TMEM242: variants seen among roughly 807,000 people sequenced by gnomAD.
The protein encoded by TMEM242 is transmembrane protein 242.
Under a neutral mutation model 18.2 loss-of-function variants are expected in TMEM242, and 10 were observed. The observed-to-expected ratio is 0.55, with a 90% CI of 0.34 to 0.93. The LOEUF (loss-of-function observed/expected upper bound fraction) is 0.93. Among genes scored for constraint, TMEM242 ranks in the 40% least tolerant of loss-of-function variants. TMEM242 has a pLI of 0.02. For synonymous variants in TMEM242, 57 were observed against 69.9 expected (o/e 0.81, Z 0.92); for missense variants, 186 against 175.5 (o/e 1.06, Z -0.34).
intron 3 of TMEM242, chr6:157,299,789 G>C: frequency 1.2e-6 from 2 of 1,605,704 alleles, no homozygotes; most frequent in Non-Finnish European, 1.7e-6. Flanking sequence ...AATATTTGGC[G>C]TTTTCATGAA....
intron 3 of TMEM242, among the ~76,000 whole-genome samples, chr6:157,309,373 A>T (rs1777960939): frequency 6.6e-6 from 1 of 151,932 alleles, no homozygotes; most frequent in Non-Finnish European, 1.5e-5. Context: ...CTCAATATAT[A>T]TACGAAGATA....
chr6:157,322,895 TA>T (rs1474538639), intron 1 of TMEM242, 90 bp from the exon 2 acceptor site: 14 of 1,056,244 alleles, frequency 1.3e-5, no homozygotes, highest in Admixed American at 4.5e-5. Context: ...TTTAAGATAC[TA>T]TTCGAGTTAC....
intron 3 of TMEM242, among the ~76,000 whole-genome samples, chr6:157,314,843 A>G (rs1778359893): frequency 6.6e-6 from 1 of 152,264 alleles, no homozygotes; most frequent in South Asian, 2.1e-4. Context: ...CATTTTAAAC[A>G]TGTTCCCTTT....
chr6:157,299,513 T>G (rs1487228642), intron 3 of TMEM242: 6 of 1,455,674 alleles, frequency 4.1e-6, no homozygotes, highest in Middle Eastern at 1.7e-4. Flanking sequence ...ACGAGCAGTA[T>G]CCAGATTACA....
At chr6:157,311,012 A>ACTCACCTGGCCTCATCATAGT (rs1778040328) in intron 3 of TMEM242, among the ~76,000 whole-genome samples, 10 of 616 alleles carry the variant, frequency 0.016, no homozygotes, top group South Asian at 0.1. Flanking sequence ...CCCAGTGTGC[A>ACTCACCTGGCCTCATCATAGT]GTCACCTAGC....
rs1251523303 is a variant in TMEM242, at chr6:157,312,802, G to C, written c.327+5980C>G. On this transcript the variant is annotated intron_variant, in intron 3 of 3. Transcript: ENST00000400788. ...CACCTAGCTTCATCATAATGCCCCA[G>C]TGTGAACTCAACTAGCCTCATCATA... Among the ~76,000 whole-genome samples, 18 of 145,786 alleles carry C rather than the reference G, an allele frequency of 1.2e-4. 1 individual carries two copies. The highest frequency in any genetic ancestry group is 4.5e-4 in the African/African-American group (17 of 38,142).
rs1330378386 is a variant in TMEM242 at position 157,289,705 on chromosome 6, C to T, written c.*3196G>A. 1.3e-5 allele frequency: 2 copies of T among 151,596 alleles called. No homozygotes were observed. Among genetic ancestry groups the T allele is most frequent in the Non-Finnish European group, 2.9e-5 (2 of 67,864 alleles). 9.4% of individuals were successfully genotyped at this position (151,596 alleles called of 1,614,324 possible). A position where few individuals can be genotyped will look rare whatever the true frequency, so the allele number is the denominator to read the frequency against. ...TGGGCTCCCCGTCCCCCCACCCCCA[C>T]CTTAATTTCTTCTATTTTCCCCTTA... On this transcript the variant is annotated 3_prime_UTR_variant, in exon 4 of 4. Transcript: ENST00000400788.
intron 2 of TMEM242, among the ~76,000 whole-genome samples, chr6:157,321,160 C>T (rs1296391666): frequency 6.6e-6 from 1 of 152,034 alleles, no homozygotes; most frequent in Non-Finnish European, 1.5e-5. Context: ...AGGCACCCGC[C>T]ACCCGCCCAG....
chr6:157,315,901 A>T (rs1778380329), intron 3 of TMEM242, among the ~76,000 whole-genome samples: 1 of 152,208 alleles, frequency 6.6e-6, no homozygotes, highest in Non-Finnish European at 1.5e-5. Context: ...TTTGTATTTA[A>T]TGTATGTGTT....
intron 3 of TMEM242, among the ~76,000 whole-genome samples, chr6:157,312,448 C>CACA (rs1554249265): frequency 5.3e-4 from 18 of 33,758 alleles, no homozygotes; most frequent in Admixed American, 1.4e-3. Flanking sequence ...CTCACCGAGC[C>CACA]TCATAGTGCC....
At chr6:157,322,182 G>C (rs184137292) in intron 2 of TMEM242, among the ~76,000 whole-genome samples, 152 of 152,234 alleles carry the variant, frequency 1.0e-3, no homozygotes, top group Admixed American at 9.0e-3. Context: ...CCAGGTTGAA[G>C]TGCAGTGGTG....
chr6:157,314,070 G>A (rs782150505), intron 3 of TMEM242, among the ~76,000 whole-genome samples: 161 of 1,236 alleles, frequency 0.13, no homozygotes, highest in Non-Finnish European at 0.21. Flanking sequence ...GCGCTCACCC[G>A]GCCTCATCAT....
intron 3 of TMEM242, among the ~76,000 whole-genome samples, chr6:157,316,666 G>C (rs587744139): frequency 6.6e-6 from 1 of 152,176 alleles, no homozygotes; most frequent in East Asian, 1.9e-4. Context: ...CTTGAGTCCA[G>C]GAGTTCGCAA....
intron 3 of TMEM242, among the ~76,000 whole-genome samples, chr6:157,316,703 CAT>C (rs1464882162): frequency 2.0e-5 from 3 of 151,940 alleles, no homozygotes; most frequent in Non-Finnish European, 4.4e-5. Context: ...AATGAGACCT[CAT>C]CTCTACAAAA....
chr6:157,299,801 G>A, intron 3 of TMEM242: 2 of 1,607,778 alleles, frequency 1.2e-6, no homozygotes, highest in Non-Finnish European at 1.7e-6. Flanking sequence ...TTTCATGAAA[G>A]GGCTGCCATG....
At chr6:157,302,615 T>TAAA (rs782014855) in intron 3 of TMEM242, among the ~76,000 whole-genome samples, 2 of 152,084 alleles carry the variant, frequency 1.3e-5, no homozygotes, top group Admixed American at 1.3e-4. Context: ...AGTCTTGAGA[T>TAAA]AAAAAAGGAA....
At chr6:157,312,712 C>A (rs1778211175) in intron 3 of TMEM242, among the ~76,000 whole-genome samples, 47 of 141,630 alleles carry the variant, frequency 3.3e-4, no homozygotes, top group Admixed American at 3.6e-4. Context: ...GTGCGCTCAC[C>A]TGGCCTCATC....
intron 3 of TMEM242, among the ~76,000 whole-genome samples, chr6:157,301,747 C>G (rs1554247539): frequency 6.6e-6 from 1 of 152,112 alleles, no homozygotes; most frequent in Non-Finnish European, 1.5e-5. Flanking sequence ...GCCTGGCCAA[C>G]ACAGTGAAAC....
At chr6:157,314,261 T>G (rs797028793) in intron 3 of TMEM242, among the ~76,000 whole-genome samples, 2 of 148,216 alleles carry the variant, frequency 1.3e-5, no homozygotes, top group African/African-American at 2.5e-5. Context: ...AGTGTCCCAG[T>G]GTGCGCTCAC....
Sources: gnomAD v4.1 joint callset for allele counts (sites outside exome capture counted in the v4.1 genomes callset) on GRCh38, gnomAD v4.1.1 for gene constraint, MANE v1.5 for transcripts, NCBI Gene and HGNC (gene_info 2026-07-23, HGNC 2026-07-21) for gene names.